The following PNPLA5 variants were observed in gnomAD, a reference collection of about 807,000 sequenced individuals.
PNPLA5 encodes patatin-like phospholipase domain-containing protein 5.
PNPLA5 carries 44 observed loss-of-function variants against 49.1 expected under a neutral mutation model. The observed-to-expected ratio is 0.90, with a 90% CI of 0.70 to 1.15. PNPLA5 has a LOEUF of 1.15. Among genes scored for constraint, PNPLA5 ranks in the 50% most tolerant of loss-of-function variants. The probability of loss-of-function intolerance (pLI) is 0.00; values close to 1 mark genes in which losing one functional copy is unlikely to be tolerated. For missense variants in PNPLA5, 603 were observed against 564.0 expected, an observed-to-expected ratio of 1.07 and a Z score of -0.70; for synonymous variants, 243 against 244.4, an observed-to-expected ratio of 0.99 and a Z score of 0.06.
At chr22:43,886,156 A>G (rs2049661693) in intron 6 of PNPLA5, 147 bp downstream of exon 6, 1 of 850,028 alleles carries the variant, frequency 1.2e-6, no homozygotes, top group Non-Finnish European at 1.7e-6. Flanking sequence ...TGAAAAGCCC[A>G]TAGTACCACA....
At chr22:43,889,982 C>A in intron 2 of PNPLA5, 118 bp from the exon 3 acceptor site, 1 of 1,479,986 alleles carries the variant, frequency 6.8e-7, no homozygotes, top group Non-Finnish European at 9.0e-7. Context: ...GTCCCACGTC[C>A]AGATGAGGGA....
intron 7 of PNPLA5, among the ~76,000 whole-genome samples, chr22:43,881,922 T>C (rs2148324660): frequency 6.6e-6 from 1 of 152,272 alleles, no homozygotes; most frequent in East Asian, 1.9e-4. Context: ...TTAGGTTCCT[T>C]GACTCCAGAG....
In PNPLA5 at chr22:43,891,296, T is replaced by C; in HGVS notation, c.194-2A>G. On this transcript the variant is annotated splice_acceptor_variant, in intron 1 of 8. Coordinates refer to ENST00000216177, the MANE Select transcript of PNPLA5 (RefSeq NM_138814.4). LOFTEE classifies it high-confidence loss of function. Reference sequence around the variant, plus strand: ...CCAGGAGGTGGGAGCAGCAGAAGTCTGCAGTGGGGGCAGGGAAAGGGAGAC... The same window carrying C: ...CCAGGAGGTGGGAGCAGCAGAAGTCCGCAGTGGGGGCAGGGAAAGGGAGAC... 6.4e-7 allele frequency: 1 copy of C among 1,552,860 alleles called. No individual in the cohort carries two copies. The highest frequency in any genetic ancestry group is 8.7e-7 in the Non-Finnish European group (1 of 1,152,222).
At chr22:43,883,459 A>T (rs1023015471) in intron 7 of PNPLA5, among the ~76,000 whole-genome samples, 3 of 152,234 alleles carry the variant, frequency 2.0e-5, no homozygotes, top group African/African-American at 7.2e-5. Flanking sequence ...TTAACCAGCA[A>T]GTCAGAATGT....
At chr22:43,890,152 C>CCTT (rs2148330696) in intron 2 of PNPLA5, 1 of 864,302 alleles carries the variant, frequency 1.2e-6, no homozygotes, top group East Asian at 1.2e-4. Context: ...GGCCCAGACT[C>CCTT]CTTGCCTGTG....
chr22:43,881,955 A>T (rs1381201390), intron 7 of PNPLA5, among the ~76,000 whole-genome samples: 1 of 152,182 alleles, frequency 6.6e-6, no homozygotes, highest in Non-Finnish European at 1.5e-5. Context: ...AAGCGCAGGG[A>T]GGGAGAGGGT....
intron 6 of PNPLA5, among the ~76,000 whole-genome samples, chr22:43,884,719 C>A (rs1375349333): frequency 8.9e-6 from 1 of 111,904 alleles, no homozygotes; most frequent in African/African-American, 2.9e-5. Flanking sequence ...ATGCTCTCAC[C>A]ACACTCTCTC....
In PNPLA5 at chr22:43,891,935, G is replaced by A. The variant is rs1482609711; in HGVS notation, c.-55C>T. 2.1e-6 allele frequency: 3 copies of A among 1,458,544 alleles called. No individual in the cohort carries two copies. The East Asian group carries it at 8.0e-5, about 39-fold the overall frequency. 90.4% of individuals were successfully genotyped at this position (1,458,544 alleles called of 1,614,324 possible). On this transcript the variant is annotated 5_prime_UTR_variant, in exon 1 of 9. Coordinates refer to ENST00000216177, the MANE Select transcript of PNPLA5 (RefSeq NM_138814.4). Reference sequence around the variant, plus strand: ...CGAGGAAGGGTCACTCCGTGACCCGGGATAGGGCCGGGATGCAGCCTTGGA... The same window carrying A: ...CGAGGAAGGGTCACTCCGTGACCCGAGATAGGGCCGGGATGCAGCCTTGGA...
At chr22:43,889,250 G>T (rs2049697004) in intron 4 of PNPLA5, 79 bp downstream of exon 4, 1 of 1,520,060 alleles carries the variant, frequency 6.6e-7, no homozygotes, top group Non-Finnish European at 9.0e-7. Flanking sequence ...GGCAGTGGGG[G>T]TTAGGAGCAC....
In PNPLA5 at chr22:43,892,004, GGCTGGT is replaced by G; in HGVS notation, c.-130_-125del. On this transcript the variant is annotated 5_prime_UTR_variant, in exon 1 of 9. Coordinates refer to ENST00000216177, the MANE Select transcript of PNPLA5 (RefSeq NM_138814.4). ...TGGGCTCTGGAGGGAGCCGGGCTGGGGCTGGTGCTGGTGCTCCCTGCGCCGCCCCCG... is the reference window on the plus strand; with the variant it reads ...TGGGCTCTGGAGGGAGCCGGGCTGGGGCTGGTGCTCCCTGCGCCGCCCCCG... 1 of 1,000,768 alleles carries G rather than the reference GGCTGGT, an allele frequency of 1.0e-6. No homozygotes were observed. Among genetic ancestry groups the G allele is most frequent in the Non-Finnish European group, 1.4e-6 (1 of 713,564 alleles). The allele number at this position is 1,000,768 out of a possible 1,614,324, so 62.0% of individuals were successfully genotyped here. A position where few individuals can be genotyped will look rare whatever the true frequency, so the allele number is the denominator to read the frequency against.
In PNPLA5 at chr22:43,886,381, A is replaced by T. The variant is rs766679374; in HGVS notation, c.871T>A (p.Ser291Thr). Residue 291 changes from serine to threonine, a missense_variant, in exon 6 of 9, where the codon TCT becomes ACT. Transcript: ENST00000216177. ...ACATGGGGCACTTTCCAGTTGAGAG[A>T]CAGGCCCCCCTTCCAGCGTTGGTCA... ...GCDQRWKGGL[S>T]LNWKVPHVQV... The T allele has an allele frequency of 8.1e-5, 130 of 1,614,056 alleles. No homozygotes were observed. Among genetic ancestry groups the T allele is most frequent in the Non-Finnish European group, 1.1e-4 (124 of 1,180,034 alleles).
intron 7 of PNPLA5, among the ~76,000 whole-genome samples, chr22:43,883,533 G>A (rs1488072242): frequency 1.3e-5 from 2 of 152,250 alleles, no homozygotes; most frequent in African/African-American, 2.4e-5. Context: ...AAAGGAACCT[G>A]TAGCGGTGGC....
intron 4 of PNPLA5, 117 bp downstream of exon 4, chr22:43,889,212 T>G: frequency 8.8e-7 from 1 of 1,139,116 alleles, no homozygotes; most frequent in Non-Finnish European, 1.3e-6. Flanking sequence ...ACTCGGGACA[T>G]GTGTTGTAAC....
rs764091787 is a variant in PNPLA5 at position 43,889,852 on chromosome 22, T to A, written c.439A>T (p.Thr147Ser). 4.5e-5 allele frequency: 73 copies of A among 1,613,448 alleles called. No individual in the cohort carries two copies. The highest frequency in any genetic ancestry group is 6.2e-5 in the Non-Finnish European group (73 of 1,179,898). The change falls in exon 3 of 9, where the codon ACC (threonine) becomes TCC (serine). Residue 147 changes from threonine (T) to serine (S), a missense_variant. By Grantham distance (58) the Thr-to-Ser change is moderately conservative. Coordinates refer to ENST00000216177, the MANE Select transcript of PNPLA5 (RefSeq NM_138814.4). ...CDELIQALVC[T>S]LYFPFYCGLI... ...CCGCAGTAGAAAGGAAAGTATAAGG[T>A]GCAGACCAAGGCCTAGGAAGAGAAG...
In PNPLA5 at chr22:43,886,402, G is replaced by C; in HGVS notation, c.850C>G (p.Gln284Glu). 6.2e-7 allele frequency: 1 copy of C among 1,614,182 alleles called. No individual in the cohort carries two copies. ...ADGNWDAGCD[Q>E]RWKGGLSLNW... Reference sequence around the variant, plus strand: ...AGAGACAGGCCCCCCTTCCAGCGTTGGTCACAGCCAGCATCCCAGTTTCCG... The same window carrying C: ...AGAGACAGGCCCCCCTTCCAGCGTTCGTCACAGCCAGCATCCCAGTTTCCG... The change falls in exon 6 of 9, where the codon CAA (glutamine) becomes GAA (glutamate). Residue 284 changes from glutamine to glutamate, a missense_variant. Physicochemically the swap from Gln to Glu is conservative, Grantham distance 29. Transcript: ENST00000216177.
At chr22:43,884,645 C>T (rs2049643893) in intron 6 of PNPLA5, among the ~76,000 whole-genome samples, 1 of 152,198 alleles carries the variant, frequency 6.6e-6, no homozygotes, top group Non-Finnish European at 1.5e-5. Flanking sequence ...GACTCTCAGG[C>T]TCCTGAGTTG....
At position 43,884,283 on chromosome 22, in the gene PNPLA5, C is replaced by G; in HGVS notation, c.1012G>C (p.Gly338Arg). 6.2e-7 allele frequency: 1 copy of G among 1,601,756 alleles called. No individual in the cohort carries two copies. Among genetic ancestry groups the G allele is most frequent in the Non-Finnish European group, 8.5e-7 (1 of 1,173,910 alleles). ...RWARFWHSGP[G>R]QVLTYLLLPC... is the part of the protein sequence containing the mutation. ...AGCAGCAGGTACGTCAGCACCTGTC[C>G]AGGCCCCGAGTGCCAGAAGCGGGCC... Residue 338 changes from glycine to arginine, a missense_variant, in exon 7 of 9, where the codon GGA (glycine) becomes CGA (arginine). By Grantham distance (125) the Gly-to-Arg change is moderately radical. Transcript: ENST00000216177.
chr22:43,891,135 A>G lies in PNPLA5; in HGVS notation c.353T>C (p.Ile118Thr). Reference sequence around the variant, plus strand: ...TCCGTCAGGCCAGCGGGTCAGCGAAATGCCCAGCCGCTGGGAGGCCAGGAC... The same window carrying G: ...TCCGTCAGGCCAGCGGGTCAGCGAAGTGCCCAGCCGCTGGGAGGCCAGGAC... ...AHVLASQRLG[I>T]SLTRWPDGRN... The change falls in exon 2 of 9, where the codon ATT becomes ACT. Residue 118 changes from isoleucine to threonine, a missense_variant. Transcript: ENST00000216177. 1 of 1,607,082 alleles carries G rather than the reference A, an allele frequency of 6.2e-7. No homozygotes were observed. The highest frequency in any genetic ancestry group is 8.5e-7 in the Non-Finnish European group (1 of 1,175,778).
At chr22:43,884,180 A>C in intron 7 of PNPLA5, 33 bp downstream of exon 7, 2 of 1,306,004 alleles carry the variant, frequency 1.5e-6, no homozygotes, top group Non-Finnish European at 1.0e-6. Flanking sequence ...GCCACAAGCC[A>C]GGCCCTTCCC....
Sources: allele counts gnomAD v4.1 joint callset (sites outside exome capture counted in the v4.1 genomes callset), GRCh38; gene constraint gnomAD v4.1.1; transcripts MANE v1.5; gene names NCBI Gene and HGNC (gene_info 2026-07-23, HGNC 2026-07-21).